Variants in ZHX2 observed in about 807,000 individuals in gnomAD.
ZHX2 encodes zinc fingers and homeoboxes protein 2.
A neutral mutation model predicts 21.9 loss-of-function variants in ZHX2; 6 were observed. The ratio of observed to expected loss-of-function variants is 0.27; its 90% CI spans 0.15 to 0.54. The LOEUF (loss-of-function observed/expected upper bound fraction) is 0.54, where lower values mean the gene tolerates loss of function less well. Among genes scored for constraint, ZHX2 ranks in the 20% least tolerant of loss-of-function variants. The pLI is 0.95. For synonymous variants in ZHX2, 434 were observed against 437.1 expected, an observed-to-expected ratio of 0.99 and a Z score of 0.09; for missense variants, 908 against 1,090.7, an observed-to-expected ratio of 0.83 and a Z score of 2.36.
chr8:122,833,865 T>C (rs1020720844), intron 1 of ZHX2, among the ~76,000 whole-genome samples: 87 of 151,910 alleles, frequency 5.7e-4, no homozygotes, highest in African/African-American at 1.7e-3. Context: ...GGCGTGGTGG[T>C]GGGCGCCTGT....
At chr8:122,839,702 C>T (rs185015133) in intron 1 of ZHX2, among the ~76,000 whole-genome samples, 12 of 152,214 alleles carry the variant, frequency 7.9e-5, no homozygotes, top group African/African-American at 2.6e-4. Context: ...TATGGTGGCA[C>T]GGGGTGGCAT....
chr8:122,937,815 C>G (rs1417368358), intron 2 of ZHX2, among the ~76,000 whole-genome samples: 2 of 151,906 alleles, frequency 1.3e-5, no homozygotes, highest in East Asian at 1.9e-4. Context: ...CTCCTGAACT[C>G]AAGCAATCCA....
At chr8:122,960,652 A>G (rs1417708815) in intron 3 of ZHX2, among the ~76,000 whole-genome samples, 2 of 152,186 alleles carry the variant, frequency 1.3e-5, no homozygotes, top group Non-Finnish European at 2.9e-5. Flanking sequence ...AGAATATTCC[A>G]GACAGAAGAA....
chr8:122,923,254 A>T (rs1254663308), intron 2 of ZHX2, among the ~76,000 whole-genome samples: 1 of 152,220 alleles, frequency 6.6e-6, no homozygotes, highest in Non-Finnish European at 1.5e-5. Context: ...TGTAGCAGTT[A>T]TGGCTTGTCT....
chr8:122,932,469 A>C lies in ZHX2; in HGVS notation c.-219-18823A>C, dbSNP rs541882777. Among the ~76,000 whole-genome samples the C allele has an allele frequency of 2.0e-5, 3 of 152,248 alleles. No homozygotes were observed. The South Asian group carries it at 6.2e-4, about 32-fold the overall frequency. On this transcript the variant is annotated intron_variant, in intron 2 of 3. Coordinates refer to ENST00000314393, the MANE Select transcript of ZHX2 (RefSeq NM_014943.5). ...ACCTGTGTTCCTTCTCCATCTTCAAAGCACATCACACCAATGTCTGCTTCC... is the reference window on the plus strand; with the variant it reads ...ACCTGTGTTCCTTCTCCATCTTCAACGCACATCACACCAATGTCTGCTTCC...
intron 1 of ZHX2, among the ~76,000 whole-genome samples, chr8:122,785,441 G>A (rs1209924847): frequency 3.3e-5 from 5 of 152,110 alleles, no homozygotes; most frequent in Non-Finnish European, 5.9e-5. Context: ...TGGCTGCTAC[G>A]TCTCTAGGCC....
intron 1 of ZHX2, among the ~76,000 whole-genome samples, chr8:122,825,349 C>G (rs1054529323): frequency 4.6e-5 from 7 of 152,184 alleles, no homozygotes; most frequent in African/African-American, 1.7e-4. Flanking sequence ...TCATGACTCC[C>G]TTATGGCCGG....
chr8:122,851,665 TG>T (rs1174531247), intron 1 of ZHX2, among the ~76,000 whole-genome samples: 1 of 152,238 alleles, frequency 6.6e-6, no homozygotes, highest in East Asian at 1.9e-4. Flanking sequence ...GGCATTATTC[TG>T]GGCCAGGAAC....
chr8:122,820,946 C>T (rs533614334), intron 1 of ZHX2, among the ~76,000 whole-genome samples: 1 of 152,168 alleles, frequency 6.6e-6, no homozygotes, highest in East Asian at 1.9e-4. Context: ...GTCTCCCTGA[C>T]ATGGAAGCAG....
chr8:122,878,237 A>G (rs1448744635), intron 2 of ZHX2, among the ~76,000 whole-genome samples: 1 of 152,226 alleles, frequency 6.6e-6, no homozygotes, highest in Non-Finnish European at 1.5e-5. Flanking sequence ...GTGTGTATGT[A>G]TATCAGCTAT....
chr8:122,830,720 G>A (rs558851792), intron 1 of ZHX2, among the ~76,000 whole-genome samples: 22 of 152,282 alleles, frequency 1.4e-4, no homozygotes, highest in African/African-American at 3.4e-4. Context: ...ATGAAACACC[G>A]TGTCTGGATT....
intron 2 of ZHX2, among the ~76,000 whole-genome samples, chr8:122,938,491 G>T (rs897239223): frequency 6.6e-6 from 1 of 152,120 alleles, no homozygotes; most frequent in African/African-American, 2.4e-5. Flanking sequence ...GGAGACGGAT[G>T]AGAAGAGCCA....
At chr8:122,876,920 G>C (rs924558743) in intron 2 of ZHX2, among the ~76,000 whole-genome samples, 1 of 152,180 alleles carries the variant, frequency 6.6e-6, no homozygotes, top group African/African-American at 2.4e-5. Flanking sequence ...TGCCCTCAAT[G>C]GGGGTGAATG....
chr8:122,794,449 T>C (rs759578427), intron 1 of ZHX2, among the ~76,000 whole-genome samples: 1 of 152,078 alleles, frequency 6.6e-6, no homozygotes, highest in Non-Finnish European at 1.5e-5. Context: ...TTCCTAGGGG[T>C]CAGAAACCCA....
chr8:122,887,050 C>CGTGTGT (rs10549696), intron 2 of ZHX2, among the ~76,000 whole-genome samples: 2,276 of 136,380 alleles, frequency 0.017, 58 homozygotes, highest in African/African-American at 0.053. Flanking sequence ...GCTCTGCCAC[C>CGTGTGT]GTGTGTGTGT....
In ZHX2 at chr8:122,952,156, G is replaced by T. The variant is rs767930305; in HGVS notation, c.646G>T (p.Ala216Ser). 1.9e-6 allele frequency: 3 copies of T among 1,613,344 alleles called. No homozygotes were observed. Among genetic ancestry groups the T allele is most frequent in the Non-Finnish European group, 2.5e-6 (3 of 1,179,874 alleles). ...ITPENHVEGT[A>S]RLVTDTAEIL... Reference sequence around the variant, plus strand: ...CCCCGAGAACCACGTGGAAGGGACCGCCCGCCTGGTGACAGACACAGCTGA... The same window carrying T: ...CCCCGAGAACCACGTGGAAGGGACCTCCCGCCTGGTGACAGACACAGCTGA... Residue 216 changes from alanine (A) to serine (S), a missense_variant, in exon 3 of 4, where the codon GCC becomes TCC. Ala to Ser is a moderately conservative substitution (Grantham distance 99, BLOSUM62 1). Around this residue, in one of 4 missense-constraint regions of ZHX2, gnomAD observed 220 missense variants for 251.4 expected, o/e 0.88. Transcript: ENST00000314393. This position sits in a 1 kb window ranked among gnomAD's most constrained non-coding sequence, Gnocchi z 6.9.
chr8:122,972,356 C>G (rs887693175), intron 3 of ZHX2, among the ~76,000 whole-genome samples: 2 of 152,116 alleles, frequency 1.3e-5, no homozygotes, highest in African/African-American at 2.4e-5. Context: ...TCATTACTTC[C>G]AAGGGTATAA....
At chr8:122,890,539 T>C (rs532360975) in intron 2 of ZHX2, among the ~76,000 whole-genome samples, 1 of 152,248 alleles carries the variant, frequency 6.6e-6, no homozygotes, top group African/African-American at 2.4e-5. Context: ...TCTGTAGATG[T>C]CTTTATATAG....
intron 1 of ZHX2, among the ~76,000 whole-genome samples, chr8:122,784,848 G>A (rs895002775): frequency 1.3e-5 from 2 of 152,222 alleles, no homozygotes; most frequent in Non-Finnish European, 2.9e-5. Flanking sequence ...CTAGTAAGCG[G>A]AGTGGCAGCC....
Sources: allele counts gnomAD v4.1 joint callset (sites outside exome capture counted in the v4.1 genomes callset), GRCh38; gene constraint gnomAD v4.1.1; regional missense constraint gnomAD v4.1.1; non-coding constraint Gnocchi (gnomAD v3.1); transcripts MANE v1.5; gene names NCBI Gene and HGNC (gene_info 2026-07-23, HGNC 2026-07-21).